The following LRRC8A variants were observed in gnomAD, a reference collection of about 807,000 sequenced individuals.
LRRC8A encodes volume-regulated anion channel subunit LRRC8A.
In LRRC8A, 24 loss-of-function variants were observed where a neutral mutation model predicts 52.5. The observed-to-expected ratio is 0.46, with a 90% CI of 0.33 to 0.64. The LOEUF is 0.64. Ranked by LOEUF, LRRC8A falls within the 30% of genes least tolerant of loss-of-function variation. The pLI is 0.02. For missense variants in LRRC8A, 677 were observed against 1,094.7 expected (o/e 0.62, Z 5.38); for synonymous variants, 492 against 494.2 (o/e 1.00, Z 0.06).
At chr9:128,883,652 C>G (rs938872360) in intron 1 of LRRC8A, among the ~76,000 whole-genome samples, 3 of 152,156 alleles carry the variant, frequency 2.0e-5, no homozygotes, top group Non-Finnish European at 2.9e-5. Context: ...CTGATGCCCT[C>G]TGCGTTCTAG....
At chr9:128,882,786 GA>G (rs1839142429) in intron 1 of LRRC8A, 1 of 398,902 alleles carries the variant, frequency 2.5e-6, no homozygotes, top group Non-Finnish European at 4.4e-6. Context: ...GCCTTTCTGG[GA>G]TGGGATATTT....
chr9:128,916,029 G>A lies in LRRC8A; in HGVS notation c.2158-67G>A. On this transcript the variant is annotated intron_variant, in intron 3 of 3. Coordinates refer to ENST00000372600, the MANE Select transcript of LRRC8A (RefSeq NM_019594.4). The surrounding 1 kb of genome is among the most constrained non-coding windows in gnomAD (Gnocchi z 6.1). ...GCTGAGATCTTGGGGAGAGAGGGAA[G>A]GGAAGCCCAGAGGCCCCGTCCAAGC... 24 of 1,520,690 alleles carry A rather than the reference G, an allele frequency of 1.6e-5. No homozygotes were observed. The highest frequency in any genetic ancestry group is 2.1e-5 in the Non-Finnish European group (24 of 1,125,338). The allele number at this position is 1,520,690 out of a possible 1,614,324, so 94.2% of individuals were successfully genotyped here. A position where few individuals can be genotyped will look rare whatever the true frequency, so the allele number is the denominator to read the frequency against.
intron 3 of LRRC8A, among the ~76,000 whole-genome samples, chr9:128,915,276 C>A (rs577097736): frequency 6.6e-6 from 1 of 152,074 alleles, no homozygotes; most frequent in Non-Finnish European, 1.5e-5. Flanking sequence ...TTCACAGGTA[C>A]CTATGATAAA....
chr9:128,890,558 C>T (rs1020452220), intron 2 of LRRC8A, among the ~76,000 whole-genome samples: 1 of 152,170 alleles, frequency 6.6e-6, no homozygotes, highest in Admixed American at 6.5e-5. Flanking sequence ...CCTGAAGGGA[C>T]ACCTCGCATC....
chr9:128,917,436 G>A lies in LRRC8A; in HGVS notation c.*1065G>A, dbSNP rs1328070264. 1 of 152,624 alleles carries A rather than the reference G, an allele frequency of 6.6e-6. No homozygotes were observed. The highest frequency in any genetic ancestry group is 2.4e-5 in the African/African-American group (1 of 41,442). The allele number at this position is 152,624 out of a possible 1,614,324, so 9.5% of individuals were successfully genotyped here. On this transcript the variant is annotated 3_prime_UTR_variant, in exon 4 of 4. Coordinates refer to ENST00000372600, the MANE Select transcript of LRRC8A (RefSeq NM_019594.4). The stretch of plus-strand genomic sequence containing the variant: ...CCAAGGAGGGAGGAGACTCGGGTTG[G>A]CTAATCCCCGGATGAACGGTGCTCC...
intron 2 of LRRC8A, among the ~76,000 whole-genome samples, chr9:128,896,152 A>G (rs1839816608): frequency 6.6e-6 from 1 of 152,236 alleles, no homozygotes. Context: ...TTGGGTATAC[A>G]CCTTGTAGAA....
In LRRC8A at chr9:128,908,765, ACAT is replaced by A; in HGVS notation, c.1603_1605del (p.Ile535del). On this transcript the variant is annotated inframe_deletion, in exon 3 of 4. Coordinates refer to ENST00000372600, the MANE Select transcript of LRRC8A (RefSeq NM_019594.4). ...AACCTGAGCGCGGAGAACAACCGCT[ACAT>A]CGTCATCGACGGGCTGCGGGAGCTC... 1 of 1,613,330 alleles carries A rather than the reference ACAT, an allele frequency of 6.2e-7. No individual in the cohort carries two copies. Among genetic ancestry groups the A allele is most frequent in the East Asian group, 2.2e-5 (1 of 44,892 alleles).
At position 128,892,861 on chromosome 9, in the gene LRRC8A, G is replaced by T. The variant is rs531316184; in HGVS notation, c.-9+6740G>T. 2.0e-5 allele frequency among the ~76,000 whole-genome samples: 3 copies of T among 152,066 alleles called. No homozygotes were observed. The highest frequency in any genetic ancestry group is 7.2e-5 in the African/African-American group (3 of 41,408). Reference sequence around the variant, plus strand: ...GGTACAGGAGGGGTGCCAACCTCCCGCCTCCCCTCCTGCTTGGGAAGTTTT... The same window carrying T: ...GGTACAGGAGGGGTGCCAACCTCCCTCCTCCCCTCCTGCTTGGGAAGTTTT... On this transcript the variant is annotated intron_variant, in intron 2 of 3. Transcript: ENST00000372600. The surrounding 1 kb of genome is among the most constrained non-coding windows in gnomAD (Gnocchi z 5.2).
intron 2 of LRRC8A, among the ~76,000 whole-genome samples, chr9:128,893,667 C>A (rs1170286781): frequency 6.6e-6 from 1 of 152,026 alleles, no homozygotes; most frequent in Non-Finnish European, 1.5e-5. Context: ...CGCATAAATT[C>A]TTTTATCATC....
At position 128,892,542 on chromosome 9, in the gene LRRC8A, C is replaced by T. The variant is rs150566261; in HGVS notation, c.-9+6421C>T. On this transcript the variant is annotated intron_variant, in intron 2 of 3. Coordinates refer to ENST00000372600, the MANE Select transcript of LRRC8A (RefSeq NM_019594.4). The surrounding 1 kb of genome is among the most constrained non-coding windows in gnomAD (Gnocchi z 5.2). Reference sequence around the variant, plus strand: ...CAGGAAGTGAGGGTGTACCCTTCTACACAGGGCGAGTCCCAAGCCAGGCAA... The same window carrying T: ...CAGGAAGTGAGGGTGTACCCTTCTATACAGGGCGAGTCCCAAGCCAGGCAA... Among the ~76,000 whole-genome samples the T allele has an allele frequency of 2.1e-3, 326 of 152,272 alleles. 2 individuals are homozygous for T. Among genetic ancestry groups the T allele is most frequent in the Non-Finnish European group, 3.6e-3 (245 of 68,004 alleles).
At chr9:128,915,605 G>A (rs1188974844) in intron 3 of LRRC8A, among the ~76,000 whole-genome samples, 1 of 152,224 alleles carries the variant, frequency 6.6e-6, no homozygotes, top group Non-Finnish European at 1.5e-5. Context: ...GATTACAGGC[G>A]TGAGCCACCG....
chr9:128,908,785 C>G lies in LRRC8A; in HGVS notation c.1621C>G (p.Arg541Gly). 2 of 1,613,366 alleles carry G rather than the reference C, an allele frequency of 1.2e-6. No homozygotes were observed. The highest frequency in any genetic ancestry group is 1.7e-6 in the Non-Finnish European group (2 of 1,180,012). ...CCGCTACATCGTCATCGACGGGCTG[C>G]GGGAGCTCAAACGCCTCAAGGTGCT... is the stretch of plus-strand genomic sequence containing the variant. ...NNRYIVIDGL[R>G]ELKRLKVLRL... The change falls in exon 3 of 4, where the codon CGG becomes GGG. Residue 541 changes from arginine (R) to glycine (G), a missense_variant. By Grantham distance (125) the Arg-to-Gly change is moderately radical (BLOSUM62 -2). Transcript: ENST00000372600.
At chr9:128,913,511 G>T (rs1338304205) in intron 3 of LRRC8A, among the ~76,000 whole-genome samples, 2 of 152,164 alleles carry the variant, frequency 1.3e-5, no homozygotes, top group Non-Finnish European at 2.9e-5. Context: ...GAGGATGGGT[G>T]TGGCTGTGGT....
In LRRC8A at chr9:128,916,613, A is replaced by G; in HGVS notation, c.*242A>G. The G allele has an allele frequency of 1.8e-6, 1 of 545,378 alleles. No individual in the cohort carries two copies. The highest frequency in any genetic ancestry group is 3.2e-6 in the Non-Finnish European group (1 of 308,442). The allele number at this position is 545,378 out of a possible 1,614,324, so 33.8% of individuals were successfully genotyped here. A position where few individuals can be genotyped will look rare whatever the true frequency, so the allele number is the denominator to read the frequency against. On this transcript the variant is annotated 3_prime_UTR_variant, in exon 4 of 4. Transcript: ENST00000372600. The surrounding 1 kb of genome is among the most constrained non-coding windows in gnomAD (Gnocchi z 6.1). ...TGCTTGTGGAGGAGAGCAAGTCTCA[A>G]GAGCGCAGTATTTGGATAATCAGGG...
chr9:128,908,388 C>T lies in LRRC8A; in HGVS notation c.1224C>T (p.Asn408=). 1.2e-6 allele frequency: 2 copies of T among 1,613,890 alleles called. No homozygotes were observed. Among genetic ancestry groups the T allele is most frequent in the Non-Finnish European group, 1.7e-6 (2 of 1,180,040 alleles). The change falls in exon 3 of 4, where the codon AAC becomes AAT. Residue 408 remains asparagine, a synonymous_variant. Transcript: ENST00000372600. The stretch of plus-strand genomic sequence containing the variant: ...ACAAGCTGCGGCAGCTGAACCTCAA[C>T]AACGAGTGGACGCTGGACAAGCTCC... ...SENKLRQLNL[N]NEWTLDKLRQ...
intron 3 of LRRC8A, among the ~76,000 whole-genome samples, chr9:128,913,431 G>C (rs531922595): frequency 2.0e-5 from 3 of 152,266 alleles, no homozygotes; most frequent in South Asian, 2.1e-4. Context: ...GGGGGATTGG[G>C]AACCAACTTC....
At chr9:128,896,037 T>G (rs758194856) in intron 2 of LRRC8A, among the ~76,000 whole-genome samples, 26 of 152,240 alleles carry the variant, frequency 1.7e-4, no homozygotes, top group Non-Finnish European at 3.5e-4. Context: ...AAGTAAAATA[T>G]TCCAAGCACA....
intron 2 of LRRC8A, among the ~76,000 whole-genome samples, chr9:128,890,435 T>G (rs1839570130): frequency 6.6e-6 from 1 of 152,130 alleles, no homozygotes; most frequent in South Asian, 2.1e-4. Context: ...ATTCCATAGC[T>G]TTCACGTGCC....
chr9:128,891,465 G>A (rs1323262676), intron 2 of LRRC8A, among the ~76,000 whole-genome samples: 1 of 152,222 alleles, frequency 6.6e-6, no homozygotes, highest in Non-Finnish European at 1.5e-5. Context: ...GGAGGCTGAG[G>A]CTGGAGGATC....
Sources: allele counts gnomAD v4.1 joint callset (sites outside exome capture counted in the v4.1 genomes callset), GRCh38; gene constraint gnomAD v4.1.1; non-coding constraint Gnocchi (gnomAD v3.1); transcripts MANE v1.5; gene names NCBI Gene and HGNC (gene_info 2026-07-23, HGNC 2026-07-21).